EDC3: variants seen among roughly 807,000 people sequenced by gnomAD.
EDC3 encodes the protein enhancer of mRNA-decapping protein 3.
EDC3 carries 20 observed loss-of-function variants against 41.8 expected under a neutral mutation model. The observed-to-expected ratio is 0.48, with a 90% CI of 0.34 to 0.70. EDC3 has a LOEUF of 0.70. Ranked by LOEUF, EDC3 falls within the 30% of genes least tolerant of loss-of-function variation. EDC3 has a pLI of 0.01. For missense variants in EDC3, 444 were observed against 636.8 expected, an observed-to-expected ratio of 0.70 and a Z score of 3.26; for synonymous variants, 206 against 243.2, an observed-to-expected ratio of 0.85 and a Z score of 1.42.
At chr15:74,680,260 C>CAAAA (rs34873831) in intron 1 of EDC3, among the ~76,000 whole-genome samples, 5 of 64,262 alleles carry the variant, frequency 7.8e-5, no homozygotes, top group South Asian at 7.3e-4. Context: ...GACTCCATCT[C>CAAAA]AAAAAAAAAA....
At chr15:74,640,416 C>A (rs1356280118) in intron 5 of EDC3, 50 bp downstream of exon 5, 1 of 1,598,252 alleles carries the variant, frequency 6.3e-7, no homozygotes. Context: ...GGTGGCCAGG[C>A]AGAGCATCCT....
intron 4 of EDC3, among the ~76,000 whole-genome samples, chr15:74,654,747 TA>T (rs2062524875): frequency 6.6e-6 from 1 of 151,684 alleles, no homozygotes; most frequent in Admixed American, 6.6e-5. Flanking sequence ...CAAGCTACTA[TA>T]CTCAGCGAAA....
chr15:74,682,358 C>G (rs932302963), intron 1 of EDC3, among the ~76,000 whole-genome samples: 1 of 152,074 alleles, frequency 6.6e-6, no homozygotes, highest in African/African-American at 2.4e-5. Context: ...GTGGCTCACG[C>G]CTGTAATCTC....
At chr15:74,635,141 C>T (rs557444517) in intron 6 of EDC3, 1 of 658,212 alleles carries the variant, frequency 1.5e-6, no homozygotes, top group Admixed American at 2.1e-5. Flanking sequence ...AATCTGTTGC[C>T]ATATCCCTAG....
At chr15:74,652,322 G>A (rs2062490416) in intron 4 of EDC3, among the ~76,000 whole-genome samples, 1 of 151,614 alleles carries the variant, frequency 6.6e-6, no homozygotes, top group African/African-American at 2.4e-5. Flanking sequence ...CCGCCTCCCA[G>A]GTTCACGCCA....
intron 1 of EDC3, among the ~76,000 whole-genome samples, chr15:74,691,483 C>T (rs146910494): frequency 1.3e-5 from 2 of 152,248 alleles, no homozygotes; most frequent in Non-Finnish European, 2.9e-5. Flanking sequence ...CTGTGAGGGC[C>T]ACCTCACTTC....
chr15:74,670,402 C>T (rs1332785858), intron 3 of EDC3, among the ~76,000 whole-genome samples: 1 of 152,094 alleles, frequency 6.6e-6, no homozygotes, highest in African/African-American at 2.4e-5. Context: ...TGCTCACCAT[C>T]ATACCACCAA....
In EDC3 at chr15:74,632,764, G is replaced by C; in HGVS notation, c.1375C>G (p.Leu459Val). 2 of 1,614,266 alleles carry C rather than the reference G, an allele frequency of 1.2e-6. No individual in the cohort carries two copies. Among genetic ancestry groups the C allele is most frequent in the Non-Finnish European group, 1.7e-6 (2 of 1,180,042 alleles). The change falls in exon 7 of 7, where the codon CTG (leucine) becomes GTG (valine). Residue 459 changes from leucine to valine, a missense_variant. Physicochemically the swap from Leu to Val is conservative, Grantham distance 32. Transcript: ENST00000315127. This position sits in a 1 kb window ranked among gnomAD's most constrained non-coding sequence, Gnocchi z 4.0. Reference sequence around the variant, plus strand: ...AGTGGCAGAGGCAGGCCCAGTGCCAGTGACCATTTGGCATCAATGCCCTGT... The same window carrying C: ...AGTGGCAGAGGCAGGCCCAGTGCCACTGACCATTTGGCATCAATGCCCTGT... ...VEQGIDAKWS[L>V]ALGLPLPLGE...
chr15:74,670,582 T>G (rs1195279609), intron 3 of EDC3, among the ~76,000 whole-genome samples: 1 of 151,988 alleles, frequency 6.6e-6, no homozygotes, highest in Admixed American at 6.6e-5. Flanking sequence ...GGCATGCACC[T>G]CCACGTCCGG....
intron 4 of EDC3, among the ~76,000 whole-genome samples, chr15:74,652,807 T>A (rs1160727307): frequency 6.6e-6 from 1 of 150,602 alleles, no homozygotes; most frequent in African/African-American, 2.4e-5. Context: ...CTTGAACTCC[T>A]GAGTTCAAGC....
rs143286435 is a variant in EDC3 at position 74,656,039 on chromosome 15, C to G, written c.514G>C (p.Ala172Pro). 412 of 1,612,112 alleles carry G rather than the reference C, an allele frequency of 2.6e-4. No homozygotes were observed. Among genetic ancestry groups the G allele is most frequent in the Non-Finnish European group, 3.2e-4 (377 of 1,178,994 alleles). Reference sequence around the variant, plus strand: ...TTTAAACCACTTTTCTTGGGAGTTGCCTGATTTGGGTGCCTGCTACTAGAT... The same window carrying G: ...TTTAAACCACTTTTCTTGGGAGTTGGCTGATTTGGGTGCCTGCTACTAGAT... Reference protein sequence around the residue: ...WSSSSRHPNQATPKKSGLKNG... With the variant: ...WSSSSRHPNQPTPKKSGLKNG... The change falls in exon 4 of 7, where the codon GCA (alanine) becomes CCA (proline). Residue 172 changes from alanine (A) to proline (P), a missense_variant. Coordinates refer to ENST00000315127, the MANE Select transcript of EDC3 (RefSeq NM_025083.5).
chr15:74,639,061 G>C (rs2062314341), intron 5 of EDC3: 1 of 152,010 alleles, frequency 6.6e-6, no homozygotes. Flanking sequence ...GGGATTATAG[G>C]CATGCCTCAC....
chr15:74,688,973 T>C (rs1007926201), intron 1 of EDC3, among the ~76,000 whole-genome samples: 1 of 152,154 alleles, frequency 6.6e-6, no homozygotes, highest in African/African-American at 2.4e-5. Flanking sequence ...CAGAAGTTTA[T>C]TCTTTCTCAT....
chr15:74,671,525 T>C lies in EDC3; in HGVS notation c.414A>G (p.Ser138=), dbSNP rs747461655. 2.5e-6 allele frequency: 4 copies of C among 1,614,220 alleles called. No homozygotes were observed. The Admixed American group carries it at 5.0e-5, about 20-fold the overall frequency. ...VAVSPQQQQC[S]KSYVDRHMES... ...CCATGTGCCTGTCGACATAGCTCTT[T>C]GAGCACTGTTGCTGCTGCGGGGAAA... Residue 138 remains serine, a synonymous_variant, in exon 3 of 7, where the codon TCA becomes TCG. Coordinates refer to ENST00000315127, the MANE Select transcript of EDC3 (RefSeq NM_025083.5). The surrounding 1 kb of genome is among the most constrained non-coding windows in gnomAD (Gnocchi z 4.6).
At chr15:74,679,546 T>C (rs1567178664) in intron 1 of EDC3, among the ~76,000 whole-genome samples, 1 of 151,816 alleles carries the variant, frequency 6.6e-6, no homozygotes, top group Admixed American at 6.6e-5. Flanking sequence ...CTGACAACAA[T>C]AAGACAAAAA....
Position 74,632,847 on chromosome 15 carries a change from C to T in EDC3, c.1292G>A (p.Trp431Ter), listed in dbSNP as rs1405537982. The T allele has an allele frequency of 6.2e-7, 1 of 1,614,246 alleles. No homozygotes were observed. The highest frequency in any genetic ancestry group is 8.5e-7 in the Non-Finnish European group (1 of 1,180,038). ...TACTGGTGCCCGGTTCTGGTTGGCC[C>T]AGGCCACAGCTGCCTTGTACCAGGG... ...DQPWYKAAVA[W>*]ANQNRAPVLS... Residue 431 changes from tryptophan to a stop codon, truncating the protein, a stop_gained, in exon 7 of 7, where the codon TGG becomes TAG. Coordinates refer to ENST00000315127, the MANE Select transcript of EDC3 (RefSeq NM_025083.5). LOFTEE classifies it high-confidence loss of function. The surrounding 1 kb of genome is among the most constrained non-coding windows in gnomAD (Gnocchi z 4.0).
At chr15:74,660,317 T>A (rs955686412) in intron 3 of EDC3, among the ~76,000 whole-genome samples, 9 of 151,538 alleles carry the variant, frequency 5.9e-5, no homozygotes, top group African/African-American at 1.9e-4. Flanking sequence ...GGTAGGAGAA[T>A]CGCTGGAACC....
chr15:74,639,939 C>T (rs996631092), intron 5 of EDC3: 1 of 153,484 alleles, frequency 6.5e-6, no homozygotes, highest in South Asian at 2.0e-4. Context: ...GTATTTTATT[C>T]TTCGTGTCCC....
chr15:74,686,646 G>C (rs902697792), intron 1 of EDC3, among the ~76,000 whole-genome samples: 5 of 152,094 alleles, frequency 3.3e-5, no homozygotes, highest in African/African-American at 1.2e-4. Flanking sequence ...CAGGTGTGGT[G>C]GTGGGTGCCT....
Sources: gnomAD v4.1 joint callset for allele counts (sites outside exome capture counted in the v4.1 genomes callset) on GRCh38, gnomAD v4.1.1 for gene constraint, Gnocchi (gnomAD v3.1) non-coding constraint, MANE v1.5 for transcripts, NCBI Gene and HGNC (gene_info 2026-07-23, HGNC 2026-07-21) for gene names.